Variants in ZMAT3 observed in about 807,000 individuals in gnomAD.
ZMAT3 encodes the protein zinc finger matrin-type protein 3.
A neutral mutation model predicts 32.3 loss-of-function variants in ZMAT3; 17 were observed. The ratio of observed to expected loss-of-function variants is 0.53; its 90% CI spans 0.36 to 0.79. The LOEUF (loss-of-function observed/expected upper bound fraction) is 0.79, where lower values mean the gene tolerates loss of function less well. Ranked by LOEUF, ZMAT3 falls within the 30% of genes least tolerant of loss-of-function variation. The pLI is 0.00. For synonymous variants in ZMAT3, 120 were observed against 133.1 expected (o/e 0.90, Z 0.68); for missense variants, 329 against 359.7 (o/e 0.91, Z 0.69).
At chr3:179,044,053 C>T (rs1173110861) in intron 2 of ZMAT3, among the ~76,000 whole-genome samples, 2 of 152,116 alleles carry the variant, frequency 1.3e-5, no homozygotes, top group African/African-American at 4.8e-5. Context: ...GAATGGCAAT[C>T]ATTAAAAAGT....
intron 2 of ZMAT3, among the ~76,000 whole-genome samples, chr3:179,066,616 A>C (rs1721430814): frequency 6.6e-6 from 1 of 152,162 alleles, no homozygotes; most frequent in Non-Finnish European, 1.5e-5. Context: ...ATCAGTGATG[A>C]CCCGGGAAGA....
At chr3:179,059,480 G>A (rs950831876) in intron 2 of ZMAT3, among the ~76,000 whole-genome samples, 17 of 152,134 alleles carry the variant, frequency 1.1e-4, no homozygotes, top group Admixed American at 1.3e-4. Flanking sequence ...AGATAGTCAG[G>A]GCCTGTGAAG....
At position 179,027,690 on chromosome 3, in the gene ZMAT3, A is replaced by G. The variant is rs770543766; in HGVS notation, c.513T>C (p.His171=). 6.2e-7 allele frequency: 1 copy of G among 1,614,220 alleles called. No individual in the cohort carries two copies. Among genetic ancestry groups the G allele is most frequent in the Non-Finnish European group, 8.5e-7 (1 of 1,180,026 alleles). Residue 171 remains histidine, a synonymous_variant, in exon 4 of 6, where the codon CAT becomes CAC. Coordinates refer to ENST00000311417, the MANE Select transcript of ZMAT3 (RefSeq NM_022470.4). ...VAQAHYQGKN[H]AKRLRLAEAQ... is the part of the protein sequence containing the mutation. ...CTTCCGCCAGCCGCAGCCTCTTGGCATGATTCTTCCCTTGATAGTGAGCCT... is the reference window on the plus strand; with the variant it reads ...CTTCCGCCAGCCGCAGCCTCTTGGCGTGATTCTTCCCTTGATAGTGAGCCT...
At chr3:179,058,478 C>T (rs1245529729) in intron 2 of ZMAT3, among the ~76,000 whole-genome samples, 2 of 152,198 alleles carry the variant, frequency 1.3e-5, no homozygotes, top group African/African-American at 4.8e-5. Flanking sequence ...GACTTCGGGA[C>T]GGGCGCGGTG....
intron 5 of ZMAT3, among the ~76,000 whole-genome samples, chr3:179,026,566 A>T (rs1177345285): frequency 2.0e-5 from 3 of 151,706 alleles, no homozygotes; most frequent in Non-Finnish European, 2.9e-5. Flanking sequence ...TTGTATTTTC[A>T]GTAGACACGG....
intron 2 of ZMAT3, among the ~76,000 whole-genome samples, chr3:179,038,844 G>T (rs1458380574): frequency 6.6e-6 from 1 of 152,204 alleles, no homozygotes; most frequent in Non-Finnish European, 1.5e-5. Flanking sequence ...GGAAAAACAG[G>T]ACACTTCTGC....
chr3:179,039,528 G>C (rs948593740), intron 2 of ZMAT3, among the ~76,000 whole-genome samples: 4 of 152,154 alleles, frequency 2.6e-5, no homozygotes, highest in Non-Finnish European at 5.9e-5. Flanking sequence ...GAAAGGAATA[G>C]CATCAACATC....
At chr3:179,044,012 T>A (rs964049141) in intron 2 of ZMAT3, among the ~76,000 whole-genome samples, 2 of 152,034 alleles carry the variant, frequency 1.3e-5, no homozygotes, top group African/African-American at 4.8e-5. Flanking sequence ...GAAATGAAAA[T>A]CAAAACCACA....
At chr3:179,044,357 T>C (rs1339283614) in intron 2 of ZMAT3, among the ~76,000 whole-genome samples, 1 of 152,002 alleles carries the variant, frequency 6.6e-6, no homozygotes, top group Non-Finnish European at 1.5e-5. Context: ...ATGAAGAAAA[T>C]GTGGTGGCCG....
At chr3:179,040,815 G>C (rs981331258) in intron 2 of ZMAT3, among the ~76,000 whole-genome samples, 3 of 151,430 alleles carry the variant, frequency 2.0e-5, no homozygotes, top group Admixed American at 6.6e-5. Flanking sequence ...TCAGTGTGCT[G>C]TATTCAGGAG....
chr3:179,048,613 G>A (rs549200209), intron 2 of ZMAT3, among the ~76,000 whole-genome samples: 1 of 152,158 alleles, frequency 6.6e-6, no homozygotes, highest in African/African-American at 2.4e-5. Context: ...AAAAACTTCT[G>A]AGAGAATTTG....
Position 179,067,579 on chromosome 3 carries a change from C to T in ZMAT3, c.174G>A (p.Glu58=), listed in dbSNP as rs1721482069. The change falls in exon 2 of 6, where the codon GAG becomes GAA. Residue 58 remains glutamate, a synonymous_variant. Transcript: ENST00000311417. ...AGEEELSKGG[E]QDCALEELCK... is the part of the protein sequence containing the mutation. ...ATAGCTCCTCCAGGGCACAGTCTTG[C>T]TCCCCTCCCTTCGATAACTCTTCTT... 1 of 1,614,200 alleles carries T rather than the reference C, an allele frequency of 6.2e-7. No homozygotes were observed. The highest frequency in any genetic ancestry group is 8.5e-7 in the Non-Finnish European group (1 of 1,180,030).
chr3:179,038,814 A>G (rs1719744890), intron 2 of ZMAT3, among the ~76,000 whole-genome samples: 1 of 152,210 alleles, frequency 6.6e-6, no homozygotes, highest in South Asian at 2.1e-4. Context: ...AGCCAAGAGA[A>G]GCCGTGACGG....
chr3:179,017,792 G>A lies in ZMAT3; in HGVS notation c.*7225C>T, dbSNP rs962059696. On this transcript the variant is annotated 3_prime_UTR_variant, in exon 6 of 6. Transcript: ENST00000311417. ...CAACCTTAATGGTGAAAGCAAAATCGGTTTTGCTTCTGAATCTAGAGCATA... is the reference window on the plus strand; with the variant it reads ...CAACCTTAATGGTGAAAGCAAAATCAGTTTTGCTTCTGAATCTAGAGCATA... The A allele has an allele frequency of 1.3e-5, 2 of 152,070 alleles. No homozygotes were observed. Among genetic ancestry groups the A allele is most frequent in the Admixed American group, 6.6e-5 (1 of 15,262 alleles). 9.4% of individuals were successfully genotyped at this position (152,070 alleles called of 1,614,324 possible). A position where few individuals can be genotyped will look rare whatever the true frequency, so the allele number is the denominator to read the frequency against.
intron 2 of ZMAT3, among the ~76,000 whole-genome samples, chr3:179,057,214 T>C (rs1291977541): frequency 6.6e-6 from 1 of 152,034 alleles, no homozygotes; most frequent in Non-Finnish European, 1.5e-5. Context: ...CAACAGACAG[T>C]GGAAGTTAGT....
intron 1 of ZMAT3, among the ~76,000 whole-genome samples, chr3:179,069,184 A>G (rs1302320568): frequency 6.6e-6 from 1 of 152,206 alleles, no homozygotes; most frequent in East Asian, 1.9e-4. Context: ...GGATCACACC[A>G]CCATAAGCCA....
At chr3:179,060,031 G>A (rs534779057) in intron 2 of ZMAT3, among the ~76,000 whole-genome samples, 1 of 152,112 alleles carries the variant, frequency 6.6e-6, no homozygotes, top group East Asian at 1.9e-4. Context: ...ACAGTGGGAG[G>A]GACAATGATC....
In ZMAT3 at chr3:179,058,735, G is replaced by A. The variant is rs561641073; in HGVS notation, c.270+8748C>T. 4.0e-3 allele frequency among the ~76,000 whole-genome samples: 529 copies of A among 133,464 alleles called. 2 individuals carry two copies. Among genetic ancestry groups the A allele is most frequent in the Non-Finnish European group, 5.9e-3 (385 of 65,064 alleles). 87.6% of individuals were successfully genotyped at this position (133,464 alleles called of 152,430 possible). A position where few individuals can be genotyped will look rare whatever the true frequency, so the allele number is the denominator to read the frequency against. On this transcript the variant is annotated intron_variant, in intron 2 of 5. Transcript: ENST00000311417. ...CCCGCCACTGCACTCCAGCCTGGGC[G>A]ACAGAGCGAGACTCCGTCTCAAAAA... is the stretch of plus-strand genomic sequence containing the variant.
intron 2 of ZMAT3, among the ~76,000 whole-genome samples, chr3:179,048,074 A>G (rs73187212): frequency 0.033 from 4,981 of 152,314 alleles, 116 homozygotes; most frequent in South Asian, 0.095. Flanking sequence ...GAGCTCAAAT[A>G]TAAGGCTTTT....
Sources: allele counts gnomAD v4.1 joint callset (sites outside exome capture counted in the v4.1 genomes callset), GRCh38; gene constraint gnomAD v4.1.1; transcripts MANE v1.5; gene names NCBI Gene and HGNC (gene_info 2026-07-23, HGNC 2026-07-21).